The following CACNA2D1 variants were observed in gnomAD, a reference collection of about 807,000 sequenced individuals.
The protein encoded by CACNA2D1 is calcium voltage-gated channel auxiliary subunit alpha2delta 1, also known as voltage-dependent calcium channel subunit alpha-2/delta-1.
CACNA2D1 carries 53 observed loss-of-function variants against 171.5 expected under a neutral mutation model. The ratio of observed to expected loss-of-function variants is 0.31; its 90% confidence interval spans 0.25 to 0.39. The LOEUF (loss-of-function observed/expected upper bound fraction) is 0.39. Among genes scored for constraint, CACNA2D1 ranks in the 10% least tolerant of loss-of-function variants. The probability of loss-of-function intolerance (pLI) is 1.00; values close to 1 mark genes in which losing one functional copy is unlikely to be tolerated. For missense variants in CACNA2D1, 903 were observed against 1,299.8 expected (o/e 0.69, Z 4.69); for synonymous variants, 442 against 443.1 (o/e 1.00, Z 0.03).
chr7:82,332,165 A>C (rs1309449420), intron 3 of CACNA2D1, among the ~76,000 whole-genome samples: 2 of 152,024 alleles, frequency 1.3e-5, no homozygotes, highest in Non-Finnish European at 2.9e-5. Flanking sequence ...AGTTCAAGCA[A>C]TTCTCCCTGC....
At chr7:82,033,082 C>T (rs1299517599) in intron 11 of CACNA2D1, 181 bp from the exon 12 acceptor site, 1 of 524,248 alleles carries the variant, frequency 1.9e-6, no homozygotes, top group African/African-American at 1.9e-5. Context: ...CAGGCCTTCC[C>T]CTCACCACCC....
intron 12 of CACNA2D1, among the ~76,000 whole-genome samples, chr7:82,031,549 TA>T (rs1198958505): frequency 6.6e-6 from 1 of 151,960 alleles, no homozygotes; most frequent in Non-Finnish European, 1.5e-5. Flanking sequence ...AACCTTACAT[TA>T]AACTGTATGA....
chr7:81,950,705 G>A (rs1180231277), intron 38 of CACNA2D1, among the ~76,000 whole-genome samples, 197 bp from the exon 39 acceptor site: 1 of 151,936 alleles, frequency 6.6e-6, no homozygotes, highest in African/African-American at 2.4e-5. Flanking sequence ...AGCATCATTT[G>A]ACAAATGCTT....
chr7:81,982,557 C>T lies in CACNA2D1; in HGVS notation c.1955+10G>A. 6.3e-7 allele frequency: 1 copy of T among 1,575,802 alleles called. No individual in the cohort carries two copies. The highest frequency in any genetic ancestry group is 1.1e-5 in the South Asian group (1 of 90,286). ...GATAGAAGATGTATCAAAAATACAACAAAACCAACCTTGGTGCTATGAATG... is the reference window on the plus strand; with the variant it reads ...GATAGAAGATGTATCAAAAATACAATAAAACCAACCTTGGTGCTATGAATG... On this transcript the variant is annotated intron_variant, in intron 24 of 38. Transcript: ENST00000356860.
chr7:82,115,315 T>C (rs1459011557), intron 6 of CACNA2D1, among the ~76,000 whole-genome samples: 1 of 152,108 alleles, frequency 6.6e-6, no homozygotes, highest in Non-Finnish European at 1.5e-5. Context: ...CCATATAGCT[T>C]AGCATTGTCT....
intron 3 of CACNA2D1, among the ~76,000 whole-genome samples, chr7:82,329,898 A>C (rs1817095607): frequency 6.6e-6 from 1 of 151,254 alleles, no homozygotes; most frequent in South Asian, 2.1e-4. Context: ...CCACTACCTC[A>C]TGCTATCTAC....
chr7:82,361,161 C>G (rs1435745517), intron 1 of CACNA2D1, among the ~76,000 whole-genome samples: 1 of 152,170 alleles, frequency 6.6e-6, no homozygotes, highest in African/African-American at 2.4e-5. Flanking sequence ...TTATGTTCCC[C>G]TCTGCTGGTC....
chr7:82,252,967 C>T (rs1035034189), intron 3 of CACNA2D1, among the ~76,000 whole-genome samples: 15 of 151,570 alleles, frequency 9.9e-5, no homozygotes, highest in African/African-American at 3.4e-4. Flanking sequence ...ATAAGAGAGG[C>T]TAAAACATAC....
intron 8 of CACNA2D1, among the ~76,000 whole-genome samples, chr7:82,065,784 G>A (rs1220499846): frequency 6.6e-6 from 1 of 152,090 alleles, no homozygotes; most frequent in East Asian, 1.9e-4. Flanking sequence ...AAAAGTTATT[G>A]ATATGAAAAG....
At chr7:82,313,379 G>A (rs1254660533) in intron 3 of CACNA2D1, among the ~76,000 whole-genome samples, 2 of 152,172 alleles carry the variant, frequency 1.3e-5, no homozygotes, top group African/African-American at 4.8e-5. Context: ...ATTAAGATTT[G>A]CATCTGTTGA....
intron 6 of CACNA2D1, among the ~76,000 whole-genome samples, chr7:82,109,275 TAAG>T (rs1387755095): frequency 6.6e-6 from 1 of 152,120 alleles, no homozygotes; most frequent in Non-Finnish European, 1.5e-5. Context: ...ACACAAAACT[TAAG>T]AAGGTCCTAC....
chr7:82,077,660 G>C (rs905541655), intron 7 of CACNA2D1, among the ~76,000 whole-genome samples: 1 of 151,346 alleles, frequency 6.6e-6, no homozygotes, highest in African/African-American at 2.4e-5. Flanking sequence ...ATAATTATTA[G>C]CATAAAATGT....
At position 81,950,104 on chromosome 7, in the gene CACNA2D1, C is replaced by A; in HGVS notation, c.*288G>T. On this transcript the variant is annotated 3_prime_UTR_variant, in exon 39 of 39. Coordinates refer to ENST00000356860, the MANE Select transcript of CACNA2D1 (RefSeq NM_000722.4). Reference sequence around the variant, plus strand: ...GGGGAACCCTTTCACATGTAATCACCAACAATGCAACAACAAACTCCCAAA... The same window carrying A: ...GGGGAACCCTTTCACATGTAATCACAAACAATGCAACAACAAACTCCCAAA... The A allele has an allele frequency of 2.3e-6, 1 of 425,906 alleles. No homozygotes were observed. Among genetic ancestry groups the A allele is most frequent in the Non-Finnish European group, 4.2e-6 (1 of 235,874 alleles). The allele number at this position is 425,906 out of a possible 1,614,324, so 26.4% of individuals were successfully genotyped here. A position where few individuals can be genotyped will look rare whatever the true frequency, so the allele number is the denominator to read the frequency against.
At chr7:82,010,322 A>G (rs1008942697) in intron 15 of CACNA2D1, among the ~76,000 whole-genome samples, 5 of 152,104 alleles carry the variant, frequency 3.3e-5, no homozygotes, top group Non-Finnish European at 7.4e-5. Context: ...ATCATCTTCA[A>G]AACAGTAAAA....
intron 7 of CACNA2D1, among the ~76,000 whole-genome samples, chr7:82,068,636 A>C (rs1807955848): frequency 6.6e-6 from 1 of 152,024 alleles, no homozygotes; most frequent in Admixed American, 6.6e-5. Flanking sequence ...CTCTCTTCTG[A>C]TTGAACCCAG....
At chr7:82,186,898 T>C (rs1563175228) in intron 3 of CACNA2D1, among the ~76,000 whole-genome samples, 1 of 152,108 alleles carries the variant, frequency 6.6e-6, no homozygotes, top group Admixed American at 6.5e-5. Flanking sequence ...TTCTAAAAAA[T>C]AACGATAACA....
At chr7:82,437,651 T>C (rs762725993) in intron 1 of CACNA2D1, among the ~76,000 whole-genome samples, 3 of 152,158 alleles carry the variant, frequency 2.0e-5, no homozygotes, top group Non-Finnish European at 4.4e-5. Context: ...TGTGCCGGTT[T>C]GTTGAGGCCA....
intron 10 of CACNA2D1, among the ~76,000 whole-genome samples, chr7:82,046,941 C>A (rs987538542): frequency 6.6e-6 from 1 of 151,978 alleles, no homozygotes; most frequent in Non-Finnish European, 1.5e-5. Flanking sequence ...TTAATATATT[C>A]TTTTTATATT....
intron 5 of CACNA2D1, among the ~76,000 whole-genome samples, chr7:82,130,968 T>TA (rs1214244458): frequency 6.6e-6 from 1 of 151,806 alleles, no homozygotes; most frequent in South Asian, 2.1e-4. Flanking sequence ...GGCTAAATTT[T>TA]AAAAAAATAT....
Sources: allele counts gnomAD v4.1 joint callset (sites outside exome capture counted in the v4.1 genomes callset), GRCh38; gene constraint gnomAD v4.1.1; transcripts MANE v1.5; gene names NCBI Gene and HGNC (gene_info 2026-07-23, HGNC 2026-07-21).